The following SYT1 variants were observed in gnomAD, a reference collection of about 807,000 sequenced individuals.
SYT1 encodes the protein synaptotagmin 1, also known as synaptotagmin-1.
A neutral mutation model predicts 44.8 loss-of-function variants in SYT1; 8 were observed. The ratio of observed to expected loss-of-function variants is 0.18; its 90% confidence interval spans 0.10 to 0.32. The LOEUF (loss-of-function observed/expected upper bound fraction) is 0.32, where lower values mean the gene tolerates loss of function less well. SYT1 is among the 10% of genes least tolerant of loss of function. The probability of loss-of-function intolerance (pLI) is 1.00; values close to 1 mark genes in which losing one functional copy is unlikely to be tolerated. For synonymous variants in SYT1, 154 were observed against 188.8 expected, an observed-to-expected ratio of 0.82 and a Z score of 1.51; for missense variants, 286 against 509.3, an observed-to-expected ratio of 0.56 and a Z score of 4.22.
chr12:79,253,357 G>A (rs1412029154), intron 4 of SYT1, among the ~76,000 whole-genome samples: 1 of 151,798 alleles, frequency 6.6e-6, no homozygotes, highest in Non-Finnish European at 1.5e-5. Flanking sequence ...ATCTGTTATG[G>A]TGATCGGTGA....
intron 2 of SYT1, among the ~76,000 whole-genome samples, chr12:79,026,667 T>TTTTATATATA (rs1298013189): frequency 7.8e-5 from 8 of 102,258 alleles, no homozygotes; most frequent in Admixed American, 2.2e-4. Flanking sequence ...CATATATATT[T>TTTTATATATA]TATATATATA....
intron 1 of SYT1, among the ~76,000 whole-genome samples, chr12:78,915,475 G>A (rs1373531011): frequency 6.6e-6 from 1 of 152,038 alleles, no homozygotes; most frequent in East Asian, 1.9e-4. Context: ...GAAAAAAAAT[G>A]TAGAAATGAC....
chr12:79,293,028 A>G (rs908748490), intron 6 of SYT1, among the ~76,000 whole-genome samples: 16 of 151,882 alleles, frequency 1.1e-4, no homozygotes, highest in South Asian at 4.1e-4. Context: ...AATCTGTAAG[A>G]CAGGCAGGGT....
intron 1 of SYT1, among the ~76,000 whole-genome samples, chr12:78,972,601 A>G (rs1868461549): frequency 6.6e-6 from 1 of 151,770 alleles, no homozygotes. Flanking sequence ...GTATTAAACC[A>G]ATTTATATCT....
chr12:79,266,410 GAAAAA>G (rs57350730), intron 4 of SYT1, among the ~76,000 whole-genome samples: 43,814 of 150,910 alleles, frequency 0.29, 6,807 homozygotes, highest in East Asian at 0.58. Flanking sequence ...TTTTGGCAAA[GAAAAA>G]AAAATAAAGG....
intron 8 of SYT1, among the ~76,000 whole-genome samples, chr12:79,328,845 C>CAA (rs986493458): frequency 6.5e-5 from 6 of 92,212 alleles, no homozygotes; most frequent in Admixed American, 1.1e-4. Context: ...GACTCCATCT[C>CAA]AAAAAAAAAA....
chr12:79,123,771 A>G (rs144423507), intron 3 of SYT1, among the ~76,000 whole-genome samples: 110 of 152,302 alleles, frequency 7.2e-4, no homozygotes, highest in African/African-American at 2.5e-3. Flanking sequence ...TTCCTGATAA[A>G]TATGGAATAA....
chr12:78,943,545 C>A (rs11111992), intron 1 of SYT1, among the ~76,000 whole-genome samples: 14,710 of 152,088 alleles, frequency 0.097, 1,603 homozygotes, highest in African/African-American at 0.26. Context: ...CCCCCATGAT[C>A]TAGTCATCTC....
intron 8 of SYT1, among the ~76,000 whole-genome samples, chr12:79,316,633 C>T (rs1309032317): frequency 6.6e-6 from 1 of 152,194 alleles, no homozygotes; most frequent in African/African-American, 2.4e-5. Context: ...CACTAGCCTC[C>T]ACGATGATGC....
At chr12:79,134,360 A>G (rs541935283) in intron 3 of SYT1, among the ~76,000 whole-genome samples, 1 of 152,354 alleles carries the variant, frequency 6.6e-6, no homozygotes, top group African/African-American at 2.4e-5. Flanking sequence ...CATCAAAATT[A>G]CAAGGTAAAA....
intron 2 of SYT1, among the ~76,000 whole-genome samples, chr12:79,014,555 G>GGA (rs1871667372): frequency 6.6e-6 from 1 of 151,976 alleles, no homozygotes. Context: ...TAAAAAGTCA[G>GGA]GAAACAACAG....
At chr12:79,102,149 A>T (rs996161967) in intron 3 of SYT1, among the ~76,000 whole-genome samples, 1 of 152,062 alleles carries the variant, frequency 6.6e-6, no homozygotes, top group Admixed American at 6.6e-5. Flanking sequence ...TGTGGGTATC[A>T]TTCACATTAT....
At chr12:79,402,702 T>G (rs1444664358) in intron 9 of SYT1, among the ~76,000 whole-genome samples, 1 of 152,162 alleles carries the variant, frequency 6.6e-6, no homozygotes, top group African/African-American at 2.4e-5. Flanking sequence ...CATTAAATCC[T>G]CAGTGTGTGA....
chr12:79,353,632 T>C lies in SYT1; in HGVS notation c.928+13T>C, dbSNP rs755323951. On this transcript the variant is annotated intron_variant, in intron 9 of 10. Coordinates refer to ENST00000261205, the MANE Select transcript of SYT1 (RefSeq NM_005639.3). ...GGTGGCTTATCCGGTAAGCCTGCAG[T>C]GTTTATTGATTTTTTTCAAATGCTG... 6.3e-7 allele frequency: 1 copy of C among 1,596,092 alleles called. No homozygotes were observed. Among genetic ancestry groups the C allele is most frequent in the Admixed American group, 1.7e-5 (1 of 59,914 alleles).
chr12:79,194,267 T>A (rs9788153), intron 3 of SYT1, among the ~76,000 whole-genome samples: 17 of 151,776 alleles, frequency 1.1e-4, no homozygotes, highest in African/African-American at 3.9e-4. Flanking sequence ...CCATATTGTA[T>A]GAAAAATATA....
intron 4 of SYT1, among the ~76,000 whole-genome samples, chr12:79,225,008 C>T (rs969293810): frequency 2.6e-5 from 4 of 151,306 alleles, no homozygotes; most frequent in South Asian, 2.1e-4. Context: ...CTCGAACTCC[C>T]GACCTCAGGT....
rs375041798 is a variant in SYT1 at position 78,901,596 on chromosome 12, A to G, written c.-217+36487A>G. 5.3e-5 allele frequency among the ~76,000 whole-genome samples: 8 copies of G among 152,298 alleles called. No individual in the cohort carries two copies. The East Asian group carries it at 9.7e-4, about 18-fold the overall frequency. The stretch of plus-strand genomic sequence containing the variant: ...TATTATTTGTGCAAAAAGACAATCT[A>G]GTAACACAAGTGTAAATTGGAGGGT... On this transcript the variant is annotated intron_variant, in intron 1 of 10. Coordinates refer to ENST00000261205, the MANE Select transcript of SYT1 (RefSeq NM_005639.3).
At chr12:78,987,087 C>G (rs773992675) in intron 2 of SYT1, among the ~76,000 whole-genome samples, 2 of 151,984 alleles carry the variant, frequency 1.3e-5, no homozygotes, top group Non-Finnish European at 2.9e-5. Flanking sequence ...ATGCTTCCAT[C>G]GTTCAAAATA....
intron 2 of SYT1, among the ~76,000 whole-genome samples, chr12:79,008,591 T>C (rs183000507): frequency 1.3e-5 from 2 of 152,076 alleles, no homozygotes; most frequent in African/African-American, 4.8e-5. Flanking sequence ...GAGAACGATA[T>C]GAAGTAGTTA....
Sources: gnomAD v4.1 joint callset for allele counts (sites outside exome capture counted in the v4.1 genomes callset) on GRCh38, gnomAD v4.1.1 for gene constraint, MANE v1.5 for transcripts, NCBI Gene and HGNC (gene_info 2026-07-23, HGNC 2026-07-21) for gene names.